The following IGFL2 variants were observed in gnomAD, a reference collection of about 807,000 sequenced individuals.
The protein encoded by IGFL2 is insulin growth factor-like family member 2.
IGFL2 carries 7 observed loss-of-function variants against 13.9 expected under a neutral mutation model. That is an observed-to-expected ratio of 0.51 (90% CI 0.29 to 0.95). IGFL2 has a LOEUF of 0.95. Ranked by LOEUF, IGFL2 falls within the 40% of genes least tolerant of loss-of-function variation. The pLI is 0.08. For synonymous variants in IGFL2, 55 were observed against 55.8 expected (o/e 0.99, Z 0.07); for missense variants, 138 against 147.8 (o/e 0.93, Z 0.34).
At chr19:46,115,221 C>T in the IGFL2 span, among the ~76,000 whole-genome samples, 1 of 152,292 alleles carries the variant, frequency 6.6e-6, no homozygotes, top group Non-Finnish European at 1.5e-5. Context: ...CAGGCTAAAT[C>T]TCATGACATT....
chr19:46,132,687 AG>A, the IGFL2 span, among the ~76,000 whole-genome samples: 7 of 117,630 alleles, frequency 6.0e-5, no homozygotes, highest in Non-Finnish European at 1.2e-4. Context: ...GGAGAGGGAG[AG>A]GAAAGAAGAA....
At chr19:46,144,481 C>T (rs760345997), upstream of IGFL2, among the ~76,000 whole-genome samples, 12 of 152,106 alleles carry the variant, frequency 7.9e-5, no homozygotes, top group Non-Finnish European at 2.9e-5. Context: ...TACCATATCT[C>T]ATATCATATC....
At chr19:46,200,435 A>G in the IGFL2 span, among the ~76,000 whole-genome samples, 6 of 148,920 alleles carry the variant, frequency 4.0e-5, no homozygotes, top group East Asian at 9.8e-4. Flanking sequence ...TGGCCTGTCA[A>G]AGTGCTGGGA....
At chr19:46,202,195 G>A in the IGFL2 span, among the ~76,000 whole-genome samples, 1 of 152,260 alleles carries the variant, frequency 6.6e-6, no homozygotes, top group African/African-American at 2.4e-5. Flanking sequence ...AGACTAGGGA[G>A]GAACTGATGT....
chr19:46,190,674 TTA>T, the IGFL2 span, among the ~76,000 whole-genome samples: 1 of 152,260 alleles, frequency 6.6e-6, no homozygotes, highest in African/African-American at 2.4e-5. Flanking sequence ...CTGAGGATAT[TTA>T]TCACGCCCCC....
chr19:46,113,419 T>G, the IGFL2 span: 1 of 403,998 alleles, frequency 2.5e-6, no homozygotes, highest in Non-Finnish European at 5.0e-6. Context: ...GAAACTTCCA[T>G]TTTGACTGAA....
At chr19:46,091,668 C>G in the IGFL2 span, among the ~76,000 whole-genome samples, 2 of 152,108 alleles carry the variant, frequency 1.3e-5, no homozygotes, top group Non-Finnish European at 2.9e-5. Flanking sequence ...ACTTAGAGTC[C>G]TAATGTTTCT....
chr19:46,137,427 C>T, the IGFL2 span: 1 of 1,022,170 alleles, frequency 9.8e-7, no homozygotes, highest in Non-Finnish European at 1.6e-6. Flanking sequence ...GAAGGATGGA[C>T]ATTGTAATGG....
the IGFL2 span, chr19:46,214,242 A>G: frequency 6.6e-6 from 1 of 152,242 alleles, no homozygotes; most frequent in Non-Finnish European, 1.5e-5. Flanking sequence ...ACAAGCCCAG[A>G]GTCGGGGCTC....
chr19:46,135,142 C>T, the IGFL2 span, among the ~76,000 whole-genome samples: 1 of 152,176 alleles, frequency 6.6e-6, no homozygotes, highest in Admixed American at 6.5e-5. Flanking sequence ...CACAGATTCT[C>T]ATAATGTTAA....
chr19:46,138,293 G>C (rs1038423326), upstream of IGFL2, among the ~76,000 whole-genome samples: 1 of 152,166 alleles, frequency 6.6e-6, no homozygotes, highest in Non-Finnish European at 1.5e-5. Context: ...TGGGGCCAAG[G>C]CTCAGCTCAG....
the IGFL2 span, among the ~76,000 whole-genome samples, chr19:46,199,992 T>G: frequency 6.6e-6 from 1 of 152,134 alleles, no homozygotes; most frequent in Non-Finnish European, 1.5e-5. Context: ...TTCTCCTGCC[T>G]CAGCCTCCCG....
At chr19:46,123,956 G>A in the IGFL2 span, 3 of 1,611,418 alleles carry the variant, frequency 1.9e-6, no homozygotes, top group Admixed American at 3.4e-5. Flanking sequence ...AACTTCACAA[G>A]AAACTTCTGC....
At chr19:46,109,906 G>A in the IGFL2 span, among the ~76,000 whole-genome samples, 5 of 152,106 alleles carry the variant, frequency 3.3e-5, no homozygotes, top group Non-Finnish European at 5.9e-5. Context: ...AGTTGCTTCA[G>A]GCCATCTGGA....
chr19:46,134,044 G>C, the IGFL2 span, among the ~76,000 whole-genome samples: 1 of 152,166 alleles, frequency 6.6e-6, no homozygotes, highest in Non-Finnish European at 1.5e-5. Flanking sequence ...ATGCAGGCTG[G>C]GCTGGGCAAA....
chr19:46,144,688 C>T (rs895493743), upstream of IGFL2, among the ~76,000 whole-genome samples: 1 of 152,082 alleles, frequency 6.6e-6, no homozygotes, highest in Non-Finnish European at 1.5e-5. Context: ...TAAAAACATA[C>T]AGTAAGTTGA....
chr19:46,163,521 C>T (rs976396403), downstream of IGFL2, among the ~76,000 whole-genome samples: 1 of 151,954 alleles, frequency 6.6e-6, no homozygotes, highest in Non-Finnish European at 1.5e-5. Context: ...AGACTGATCT[C>T]CTCTCCTTGG....
At chr19:46,123,420 TAAGTA>T in the IGFL2 span, among the ~76,000 whole-genome samples, 1 of 151,034 alleles carries the variant, frequency 6.6e-6, no homozygotes, top group Non-Finnish European at 1.5e-5. Flanking sequence ...CTACCAGTTT[TAAGTA>T]AAGTAAGGAA....
intron 3 of IGFL2, 73 bp from the exon 4 acceptor site, chr19:46,160,997 A>T: frequency 6.5e-7 from 1 of 1,541,426 alleles, no homozygotes. Flanking sequence ...TCTAATCTCT[A>T]GCAGTTTCTC....
Sources: allele counts gnomAD v4.1 joint callset (sites outside exome capture counted in the v4.1 genomes callset), GRCh38; gene constraint gnomAD v4.1.1; transcripts MANE v1.5; gene names NCBI Gene and HGNC (gene_info 2026-07-23, HGNC 2026-07-21).